CRYBG1: variants seen among roughly 807,000 people sequenced by gnomAD.
CRYBG1 encodes the protein crystallin beta-gamma domain containing 1.
CRYBG1 carries 139 observed loss-of-function variants against 189.2 expected under a neutral mutation model. That is an observed-to-expected ratio of 0.73 (90% CI 0.64 to 0.85). CRYBG1 has a LOEUF of 0.85. Ranked by LOEUF, CRYBG1 falls within the 40% of genes least tolerant of loss-of-function variation. The pLI is 0.00. For missense variants in CRYBG1, 2,611 were observed against 2,675.8 expected (o/e 0.98, Z 0.53); for synonymous variants, 1,023 against 1,017.1 (o/e 1.01, Z -0.11).
Position 106,363,996 on chromosome 6 carries a change from G to A in CRYBG1, c.173+2915G>A, listed in dbSNP as rs568071558. 1.0e-3 allele frequency among the ~76,000 whole-genome samples: 154 copies of A among 152,214 alleles called. 1 individual carries two copies. The Middle Eastern group carries it at 0.024, about 24-fold the overall frequency. On this transcript the variant is annotated intron_variant, in intron 1 of 21. Transcript: ENST00000633556. ...ATGGAAAAGATAGGTTTGGATAGGG[G>A]AAAACCAACTCTAGGAAGATCTTTT...
intron 6 of CRYBG1, among the ~76,000 whole-genome samples, chr6:106,525,594 A>G (rs1035469861): frequency 6.6e-6 from 1 of 152,182 alleles, no homozygotes; most frequent in Non-Finnish European, 1.5e-5. Context: ...TGTTTATGGG[A>G]GAAAAATCAG....
chr6:106,361,115 T>A (rs1414033460), intron 1 of CRYBG1, 34 bp downstream of exon 1: 2 of 1,445,132 alleles, frequency 1.4e-6, no homozygotes, highest in African/African-American at 1.4e-5. Context: ...CAGTCCCACC[T>A]CCTCCTCCTC....
At chr6:106,391,970 T>TGC (rs1554231578) in intron 1 of CRYBG1, among the ~76,000 whole-genome samples, 22 of 78,352 alleles carry the variant, frequency 2.8e-4, no homozygotes, top group South Asian at 1.3e-3. Context: ...TGTGTGTGTG[T>TGC]GCGTGCGCGT....
At chr6:106,543,389 G>A (rs765895527) in intron 10 of CRYBG1, 51 bp from the exon 11 acceptor site, 4 of 1,511,792 alleles carry the variant, frequency 2.6e-6, no homozygotes, top group Admixed American at 1.8e-5. Flanking sequence ...TTAATGTTAA[G>A]CTGTTGGGAT....
At chr6:106,440,563 G>A (rs906416809) in intron 1 of CRYBG1, among the ~76,000 whole-genome samples, 11 of 152,092 alleles carry the variant, frequency 7.2e-5, no homozygotes, top group Non-Finnish European at 1.3e-4. Context: ...CACTGCACCC[G>A]GCCCCTTTCT....
chr6:106,458,911 G>A (rs893684885), intron 2 of CRYBG1, among the ~76,000 whole-genome samples: 6 of 152,124 alleles, frequency 3.9e-5, no homozygotes, highest in Admixed American at 6.5e-5. Context: ...CTGCCTTTCC[G>A]TACACACACA....
At chr6:106,565,100 A>G (rs111693188) in intron 21 of CRYBG1, among the ~76,000 whole-genome samples, 7,560 of 152,220 alleles carry the variant, frequency 0.05, 296 homozygotes, top group Non-Finnish European at 0.071. Flanking sequence ...TGGGTGGATC[A>G]CGAGGTCAGG....
intron 1 of CRYBG1, among the ~76,000 whole-genome samples, chr6:106,426,135 C>T (rs1771220834): frequency 6.6e-6 from 1 of 152,144 alleles, no homozygotes; most frequent in African/African-American, 2.4e-5. Flanking sequence ...GAATCCCACA[C>T]CCACCACCAA....
chr6:106,513,082 C>T (rs1381552), intron 3 of CRYBG1, 43 bp downstream of exon 3: 274,835 of 1,566,700 alleles, frequency 0.18, 28,988 homozygotes, highest in East Asian at 0.53. Context: ...TGTCCGCACA[C>T]GTGCTGGGGG....
At chr6:106,539,561 A>G in intron 9 of CRYBG1, 32 bp downstream of exon 9, 1 of 1,585,354 alleles carries the variant, frequency 6.3e-7, no homozygotes, top group Non-Finnish European at 8.6e-7. Context: ...CCTTGTGGTG[A>G]TTCTTTGTCA....
At chr6:106,402,329 C>G (rs1352401618) in intron 1 of CRYBG1, among the ~76,000 whole-genome samples, 1 of 62,090 alleles carries the variant, frequency 1.6e-5, no homozygotes, top group Non-Finnish European at 3.1e-5. Context: ...AAAAAGAGCC[C>G]GCATCACCAA....
chr6:106,507,888 G>C (rs1186784305), intron 2 of CRYBG1, among the ~76,000 whole-genome samples: 1 of 152,178 alleles, frequency 6.6e-6, no homozygotes, highest in Admixed American at 6.5e-5. Flanking sequence ...GGTCCCGTGG[G>C]AGAAGACTGC....
At chr6:106,434,082 G>A (rs1031317172) in intron 1 of CRYBG1, among the ~76,000 whole-genome samples, 4 of 151,892 alleles carry the variant, frequency 2.6e-5, no homozygotes, top group African/African-American at 7.3e-5. Context: ...ACATGAGGCT[G>A]TTATCAGAAG....
At position 106,422,344 on chromosome 6, in the gene CRYBG1, A is replaced by ATTTATTTATTTATTTATTTTTTTTT. The variant is rs57640822; in HGVS notation, c.174-29347_174-29346insATTTATTTATTTATTTTTTTTTTTT. On this transcript the variant is annotated intron_variant, in intron 1 of 21. Coordinates refer to ENST00000633556, the MANE Select transcript of CRYBG1 (RefSeq NM_001371242.2). Reference sequence around the variant, plus strand: ...TTGTTATTTATTTATTTATTTATTTATTTTTGAGACATGGTCTCACTTGGT... The same window carrying ATTTATTTATTTATTTATTTTTTTTT: ...TTGTTATTTATTTATTTATTTATTTATTTATTTATTTATTTATTTTTTTTTTTTTTGAGACATGGTCTCACTTGGT... 1.7e-4 allele frequency among the ~76,000 whole-genome samples: 24 copies of ATTTATTTATTTATTTATTTTTTTTT among 139,986 alleles called. No homozygotes were observed. In the East Asian group the frequency reaches 4.2e-3, roughly 24 times the overall value. The allele number at this position is 139,986 out of a possible 152,430, so 91.8% of individuals were successfully genotyped here. A position where few individuals can be genotyped will look rare whatever the true frequency, so the allele number is the denominator to read the frequency against.
chr6:106,541,108 G>T, intron 9 of CRYBG1: 1 of 357,894 alleles, frequency 2.8e-6, no homozygotes. Flanking sequence ...ATACCTTCAG[G>T]GGCCAGGCAG....
intron 6 of CRYBG1, among the ~76,000 whole-genome samples, chr6:106,526,084 C>T (rs908789341): frequency 6.6e-6 from 1 of 152,204 alleles, no homozygotes; most frequent in East Asian, 1.9e-4. Context: ...AAAAAGAAAT[C>T]GCTGATCTGG....
At chr6:106,488,471 G>A (rs892885929) in intron 2 of CRYBG1, among the ~76,000 whole-genome samples, 1 of 152,212 alleles carries the variant, frequency 6.6e-6, no homozygotes, top group African/African-American at 2.4e-5. Context: ...ACTCTCTCTG[G>A]TGAGGTGGGG....
At chr6:106,440,655 T>C (rs145802502) in intron 1 of CRYBG1, among the ~76,000 whole-genome samples, 1 of 152,322 alleles carries the variant, frequency 6.6e-6, no homozygotes, top group African/African-American at 2.4e-5. Flanking sequence ...AGCCTAAAAG[T>C]AAAGCTAGTG....
intron 13 of CRYBG1, among the ~76,000 whole-genome samples, 183 bp from the exon 14 acceptor site, chr6:106,551,669 A>C (rs895142125): frequency 6.6e-6 from 1 of 152,220 alleles, no homozygotes; most frequent in Non-Finnish European, 1.5e-5. Flanking sequence ...CTGCTGGCTT[A>C]CCATTCTGAT....
Sources: gnomAD v4.1 joint callset for allele counts (sites outside exome capture counted in the v4.1 genomes callset) on GRCh38, gnomAD v4.1.1 for gene constraint, MANE v1.5 for transcripts, NCBI Gene and HGNC (gene_info 2026-07-23, HGNC 2026-07-21) for gene names.